SLC35D4: variants seen among roughly 807,000 people sequenced by gnomAD.
The protein encoded by SLC35D4 is UDP-N-acetylglucosamine transporter SLC35D4.
At chr18:23,258,572 A>C in the SLC35D4 span, 1 of 152,192 alleles carries the variant, frequency 6.6e-6, no homozygotes, top group South Asian at 2.1e-4. Context: ...GCTGCAAGAG[A>C]GAGGCACCAG....
the SLC35D4 span, among the ~76,000 whole-genome samples, chr18:23,298,763 G>T: frequency 6.6e-6 from 1 of 152,144 alleles, no homozygotes; most frequent in Non-Finnish European, 1.5e-5. Context: ...GCCTGTGCTG[G>T]GCCATCACCA....
At chr18:23,394,359 G>A in the SLC35D4 span, among the ~76,000 whole-genome samples, 3 of 152,150 alleles carry the variant, frequency 2.0e-5, no homozygotes, top group Non-Finnish European at 4.4e-5. Context: ...ATCATCTGTG[G>A]AGAAATACCT....
the SLC35D4 span, among the ~76,000 whole-genome samples, chr18:23,319,630 G>A: frequency 1.8e-4 from 28 of 152,152 alleles, no homozygotes; most frequent in Non-Finnish European, 2.9e-4. Flanking sequence ...GTAGAGATGG[G>A]GTTTCACCAT....
the SLC35D4 span, among the ~76,000 whole-genome samples, chr18:23,274,511 T>C: frequency 6.6e-6 from 1 of 152,212 alleles, no homozygotes; most frequent in Admixed American, 6.5e-5. Flanking sequence ...AAATATTGCC[T>C]GAGTTTCCCG....
At chr18:23,409,064 G>A in the SLC35D4 span, among the ~76,000 whole-genome samples, 1 of 151,938 alleles carries the variant, frequency 6.6e-6, no homozygotes, top group African/African-American at 2.4e-5. Flanking sequence ...GAACCCAGGA[G>A]GCGGAGGTTG....
At chr18:23,314,537 A>G in the SLC35D4 span, among the ~76,000 whole-genome samples, 2 of 152,216 alleles carry the variant, frequency 1.3e-5, no homozygotes. Flanking sequence ...TTTCTCATAC[A>G]TTACATTTTG....
At chr18:23,399,614 C>T in the SLC35D4 span, 3 of 1,613,856 alleles carry the variant, frequency 1.9e-6, no homozygotes, top group Non-Finnish European at 2.5e-6. Flanking sequence ...CCACAAACAG[C>T]ACTGAAGCAG....
the SLC35D4 span, among the ~76,000 whole-genome samples, chr18:23,343,714 C>T: frequency 1.3e-5 from 2 of 152,128 alleles, no homozygotes; most frequent in African/African-American, 4.8e-5. Flanking sequence ...CTCTGTCCTC[C>T]CATCCCTCAC....
At chr18:23,278,912 C>T in the SLC35D4 span, among the ~76,000 whole-genome samples, 3 of 150,904 alleles carry the variant, frequency 2.0e-5, no homozygotes, top group African/African-American at 7.3e-5. Context: ...TACTCAGAGG[C>T]TGGGTTGGGA....
At chr18:23,338,322 C>T in the SLC35D4 span, among the ~76,000 whole-genome samples, 3,739 of 152,200 alleles carry the variant, frequency 0.025, 51 homozygotes, top group Middle Eastern at 0.058. Flanking sequence ...AAATTCACTA[C>T]CTAGAACTAG....
chr18:23,385,591 C>T, the SLC35D4 span, among the ~76,000 whole-genome samples: 4 of 152,090 alleles, frequency 2.6e-5, no homozygotes, highest in African/African-American at 4.8e-5. Flanking sequence ...CCATCTTCTC[C>T]GGGGAATGGG....
chr18:23,430,531 T>G, the SLC35D4 span: 49 of 1,018,956 alleles, frequency 4.8e-5, no homozygotes, highest in African/African-American at 7.3e-4. Flanking sequence ...ATATGTCTAT[T>G]TGACAAAAAA....
At chr18:23,344,390 T>C in the SLC35D4 span, among the ~76,000 whole-genome samples, 1 of 152,224 alleles carries the variant, frequency 6.6e-6, no homozygotes, top group Non-Finnish European at 1.5e-5. Flanking sequence ...GATTGCTGGT[T>C]TGAATGGTAA....
chr18:23,299,469 G>A, the SLC35D4 span, among the ~76,000 whole-genome samples: 16 of 152,300 alleles, frequency 1.1e-4, no homozygotes, highest in South Asian at 2.3e-3. Context: ...TTTGGTCACC[G>A]GATTCACATG....
the SLC35D4 span, among the ~76,000 whole-genome samples, chr18:23,289,146 G>A: frequency 6.6e-6 from 1 of 152,078 alleles, no homozygotes; most frequent in Admixed American, 6.5e-5. Context: ...ACTCATACAT[G>A]TCCTGCTCTT....
At chr18:23,269,923 G>A in the SLC35D4 span, among the ~76,000 whole-genome samples, 3 of 152,210 alleles carry the variant, frequency 2.0e-5, no homozygotes, top group Non-Finnish European at 4.4e-5. Context: ...TGGAAAATTT[G>A]CAGCCTGACG....
At chr18:23,421,014 C>G in the SLC35D4 span, among the ~76,000 whole-genome samples, 2 of 151,976 alleles carry the variant, frequency 1.3e-5, no homozygotes, top group Non-Finnish European at 1.5e-5. Flanking sequence ...GAGGTCAAGG[C>G]AGGTGGATCA....
the SLC35D4 span, among the ~76,000 whole-genome samples, chr18:23,391,125 C>CTGA: frequency 6.6e-6 from 1 of 151,498 alleles, no homozygotes; most frequent in Non-Finnish European, 1.5e-5. Flanking sequence ...ACTCAAGAGG[C>CTGA]TGATGCAGGA....
the SLC35D4 span, among the ~76,000 whole-genome samples, chr18:23,374,071 T>C: frequency 1.3e-5 from 2 of 152,192 alleles, no homozygotes; most frequent in African/African-American, 4.8e-5. Context: ...GTGAAACATC[T>C]AATAAAACAA....
Sources: gnomAD v4.1 joint callset for allele counts (sites outside exome capture counted in the v4.1 genomes callset) on GRCh38, gnomAD v4.1.1 for gene constraint, MANE v1.5 for transcripts, NCBI Gene and HGNC (gene_info 2026-07-23, HGNC 2026-07-21) for gene names.